Variants in CSTF3 observed in about 807,000 individuals in gnomAD.
CSTF3 encodes the protein CF-1 77 kDa subunit.
In CSTF3, 29 loss-of-function variants were observed where a neutral mutation model predicts 105.8. The ratio of observed to expected loss-of-function variants is 0.27; its 90% CI spans 0.20 to 0.37. The LOEUF (loss-of-function observed/expected upper bound fraction) is 0.37. Ranked by LOEUF, CSTF3 falls within the 10% of genes least tolerant of loss-of-function variation. The probability of loss-of-function intolerance (pLI) is 1.00; values close to 1 mark genes in which losing one functional copy is unlikely to be tolerated. For synonymous variants in CSTF3, 252 were observed against 281.9 expected (o/e 0.89, Z 1.06); for missense variants, 357 against 879.3 (o/e 0.41, Z 7.51).
At chr11:33,141,471 G>C (rs1392953956) in intron 3 of CSTF3, 196 bp downstream of exon 3, 1 of 1,304,278 alleles carries the variant, frequency 7.7e-7, no homozygotes, top group Non-Finnish European at 9.7e-7. Flanking sequence ...ACTCCAAAAT[G>C]CAACAATCAT....
chr11:33,126,279 AC>A (rs934395424), intron 3 of CSTF3, among the ~76,000 whole-genome samples: 6 of 151,976 alleles, frequency 3.9e-5, no homozygotes, highest in African/African-American at 1.5e-4. Flanking sequence ...GCAACTTAAG[AC>A]CTTGTCTCTA....
chr11:33,151,432 T>C (rs1218873948), intron 1 of CSTF3, among the ~76,000 whole-genome samples: 1 of 152,104 alleles, frequency 6.6e-6, no homozygotes, highest in African/African-American at 2.4e-5. Flanking sequence ...GCAATCCACC[T>C]GCCTCGGCCT....
In CSTF3 at chr11:33,153,350, T is replaced by A. The variant is rs571458158; in HGVS notation, c.27+7949A>T. ...GTGATGTAGCCTCTGGAAAGCCCTATGAGTTATGCTTTATTGAAACTCCTA... is the reference window on the plus strand; with the variant it reads ...GTGATGTAGCCTCTGGAAAGCCCTAAGAGTTATGCTTTATTGAAACTCCTA... On this transcript the variant is annotated intron_variant, in intron 1 of 20. Transcript: ENST00000323959. Among the ~76,000 whole-genome samples, 14 of 152,356 alleles carry A rather than the reference T, an allele frequency of 9.2e-5. No individual in the cohort carries two copies. The East Asian group carries it at 2.7e-3, about 29-fold the overall frequency.
intron 1 of CSTF3, 53 bp from the exon 2 acceptor site, chr11:33,142,039 C>T: frequency 4.4e-6 from 7 of 1,608,044 alleles, no homozygotes; most frequent in Middle Eastern, 3.3e-4. Flanking sequence ...AAATCTCATG[C>T]CTAACTTAAT....
At position 33,144,402 on chromosome 11, in the gene CSTF3, G is replaced by A. The variant is rs557504496; in HGVS notation, c.28-2416C>T. Among the ~76,000 whole-genome samples, 8 of 152,270 alleles carry A rather than the reference G, an allele frequency of 5.3e-5. No individual in the cohort carries two copies. In the East Asian group the frequency reaches 1.5e-3, roughly 29 times the overall value. ...TTGCTCAAGGAACTAAAGCTGTAAA[G>A]TTTATAAGGGACTATTGGCTCTTCC... is the stretch of plus-strand genomic sequence containing the variant. On this transcript the variant is annotated intron_variant, in intron 1 of 20. Transcript: ENST00000323959.
At chr11:33,110,398 T>A (rs887602537) in intron 3 of CSTF3, among the ~76,000 whole-genome samples, 1 of 152,240 alleles carries the variant, frequency 6.6e-6, no homozygotes, top group African/African-American at 2.4e-5. Flanking sequence ...CCAAATTTTC[T>A]ATGGGTCAGC....
intron 3 of CSTF3, among the ~76,000 whole-genome samples, chr11:33,135,751 C>T (rs1855646810): frequency 6.6e-6 from 1 of 152,004 alleles, no homozygotes; most frequent in South Asian, 2.1e-4. Context: ...CACAAAATAG[C>T]CAACCTTCTT....
intron 15 of CSTF3, 45 bp from the exon 16 acceptor site, chr11:33,092,385 G>T: frequency 1.6e-6 from 2 of 1,282,602 alleles, no homozygotes; most frequent in East Asian, 2.5e-5. Flanking sequence ...TCACTTTTAC[G>T]ATGCAACAAT....
chr11:33,098,386 CTG>C (rs1308352451), intron 13 of CSTF3, among the ~76,000 whole-genome samples: 1 of 152,172 alleles, frequency 6.6e-6, no homozygotes, highest in Non-Finnish European at 1.5e-5. Flanking sequence ...GAAAGTGCCT[CTG>C]TATCTATTTT....
chr11:33,096,282 T>C (rs771236865), intron 15 of CSTF3, 24 bp downstream of exon 15: 1 of 1,367,846 alleles, frequency 7.3e-7, no homozygotes, highest in Non-Finnish European at 1.0e-6. Context: ...TAAGTAATCA[T>C]TATAGATTCT....
Position 33,155,157 on chromosome 11 carries a change from C to T in CSTF3, c.27+6142G>A, listed in dbSNP as rs183361454. ...GGATCATGAGGTCAGGAGATCAAGA[C>T]CATCCTGGCTAACACAGTGAAACCC... On this transcript the variant is annotated intron_variant, in intron 1 of 20. Coordinates refer to ENST00000323959, the MANE Select transcript of CSTF3 (RefSeq NM_001326.3). Among the ~76,000 whole-genome samples the T allele has an allele frequency of 3.9e-3, 600 of 151,974 alleles. 4 individuals are homozygous for T. The highest frequency in any genetic ancestry group is 6.4e-3 in the Non-Finnish European group (436 of 67,960).
In CSTF3 at chr11:33,086,937, A is replaced by C. The variant is rs779819043; in HGVS notation, c.1795+51T>G. On this transcript the variant is annotated intron_variant, in intron 18 of 20. Transcript: ENST00000323959. Reference sequence around the variant, plus strand: ...ACTTTACCCCCACGCTTTGGATTTAAATCAACAAACAAACCAACGTCTCAG... The same window carrying C: ...ACTTTACCCCCACGCTTTGGATTTACATCAACAAACAAACCAACGTCTCAG... 3 of 1,610,550 alleles carry C rather than the reference A, an allele frequency of 1.9e-6. No individual in the cohort carries two copies. In the South Asian group the frequency reaches 3.3e-5, roughly 18 times the overall value.
At chr11:33,096,549 GAGCTAGA>G in intron 14 of CSTF3, 141 bp from the exon 15 acceptor site, 1 of 667,280 alleles carries the variant, frequency 1.5e-6, no homozygotes, top group Non-Finnish European at 2.5e-6. Flanking sequence ...AAAAATTGCT[GAGCTAGA>G]AACTATTCAA....
At chr11:33,108,239 C>A in intron 4 of CSTF3, 147 bp downstream of exon 4, 1 of 814,046 alleles carries the variant, frequency 1.2e-6, no homozygotes, top group Non-Finnish European at 1.8e-6. Context: ...CATTTTCAAG[C>A]ATATAAAAAA....
At chr11:33,124,728 T>C (rs1421638107) in intron 3 of CSTF3, among the ~76,000 whole-genome samples, 2 of 152,184 alleles carry the variant, frequency 1.3e-5, no homozygotes, top group African/African-American at 4.8e-5. Context: ...ATACCTACAA[T>C]TGGACATGTT....
chr11:33,146,530 G>T (rs907040674), intron 1 of CSTF3, among the ~76,000 whole-genome samples: 9 of 150,380 alleles, frequency 6.0e-5, no homozygotes, highest in African/African-American at 2.2e-4. Context: ...TCTACCCCGA[G>T]TAAGAGAACA....
chr11:33,118,081 AT>A (rs200228683), intron 3 of CSTF3, among the ~76,000 whole-genome samples: 6,356 of 142,156 alleles, frequency 0.045, 240 homozygotes, highest in African/African-American at 0.11. Flanking sequence ...CAGATTAGGG[AT>A]TTTTTTTTTT....
intron 3 of CSTF3, among the ~76,000 whole-genome samples, chr11:33,114,238 T>C (rs1590271055): frequency 6.6e-6 from 1 of 152,316 alleles, no homozygotes; most frequent in East Asian, 1.9e-4. Flanking sequence ...CTGGAATATA[T>C]TTATATTGAG....
chr11:33,123,749 A>G (rs1855516131), intron 3 of CSTF3, among the ~76,000 whole-genome samples: 1 of 152,162 alleles, frequency 6.6e-6, no homozygotes, highest in Non-Finnish European at 1.5e-5. Flanking sequence ...AGGACAGAAC[A>G]CATGAATGTA....
Sources: allele counts gnomAD v4.1 joint callset (sites outside exome capture counted in the v4.1 genomes callset), GRCh38; gene constraint gnomAD v4.1.1; transcripts MANE v1.5; gene names NCBI Gene and HGNC (gene_info 2026-07-23, HGNC 2026-07-21).